CNTNAP5: variants seen among roughly 807,000 people sequenced by gnomAD.
CNTNAP5 encodes contactin associated protein family member 5, also known as contactin-associated protein-like 5.
In CNTNAP5, 72 loss-of-function variants were observed where a neutral mutation model predicts 150.2. The ratio of observed to expected loss-of-function variants is 0.48; its 90% CI spans 0.40 to 0.58. The LOEUF (loss-of-function observed/expected upper bound fraction) is 0.58. Ranked by LOEUF, CNTNAP5 falls within the 20% of genes least tolerant of loss-of-function variation. The pLI, the probability that CNTNAP5 is intolerant of heterozygous loss-of-function variation, is 0.00. For missense variants in CNTNAP5, 1,636 were observed against 1,626.2 expected, an observed-to-expected ratio of 1.01 and a Z score of -0.10; for synonymous variants, 672 against 619.8, an observed-to-expected ratio of 1.08 and a Z score of -1.25.
chr2:124,597,964 T>A (rs4505406), intron 11 of CNTNAP5, among the ~76,000 whole-genome samples: 12 of 103,514 alleles, frequency 1.2e-4, no homozygotes, highest in Admixed American at 2.2e-4. Flanking sequence ...CATTCTTCAC[T>A]TAGTTCTCGA....
chr2:124,543,830 G>A (rs1027067453), intron 10 of CNTNAP5, among the ~76,000 whole-genome samples: 4 of 152,030 alleles, frequency 2.6e-5, no homozygotes, highest in Non-Finnish European at 4.4e-5. Context: ...TTAATAAAAA[G>A]GAATATAGAA....
chr2:124,377,014 G>C (rs1690665051), intron 3 of CNTNAP5, among the ~76,000 whole-genome samples: 1 of 152,036 alleles, frequency 6.6e-6, no homozygotes, highest in African/African-American at 2.4e-5. Flanking sequence ...ATCAAAGTAA[G>C]ATTTAGATTT....
chr2:124,112,746 T>C (rs986732804), intron 1 of CNTNAP5, among the ~76,000 whole-genome samples: 1 of 152,154 alleles, frequency 6.6e-6, no homozygotes, highest in Non-Finnish European at 1.5e-5. Flanking sequence ...GTACTTCTTG[T>C]TTTTCTTTAT....
chr2:124,570,340 G>C (rs1696123440), intron 11 of CNTNAP5, among the ~76,000 whole-genome samples: 1 of 152,158 alleles, frequency 6.6e-6, no homozygotes, highest in African/African-American at 2.4e-5. Context: ...ACCGACAACG[G>C]CCTTGCAGGA....
At chr2:124,260,093 C>A (rs553273411) in intron 3 of CNTNAP5, among the ~76,000 whole-genome samples, 1 of 152,276 alleles carries the variant, frequency 6.6e-6, no homozygotes, top group Non-Finnish European at 1.5e-5. Flanking sequence ...AAGCTGGAGG[C>A]ATCACACTAC....
intron 1 of CNTNAP5, among the ~76,000 whole-genome samples, chr2:124,123,814 A>T (rs1573770904): frequency 6.6e-6 from 1 of 152,180 alleles, no homozygotes; most frequent in East Asian, 1.9e-4. Context: ...GACCTCCAGC[A>T]AACTCCAACA....
At chr2:124,598,308 A>G (rs1270393063) in intron 11 of CNTNAP5, among the ~76,000 whole-genome samples, 4 of 87,662 alleles carry the variant, frequency 4.6e-5, no homozygotes, top group African/African-American at 4.0e-5. Context: ...ATGGTGATGT[A>G]CAGATGGGTT....
At chr2:124,814,370 T>C (rs924833561) in intron 19 of CNTNAP5, among the ~76,000 whole-genome samples, 2 of 152,102 alleles carry the variant, frequency 1.3e-5, no homozygotes, top group Non-Finnish European at 2.9e-5. Context: ...TAAGAGCCCT[T>C]CAACTGAGCT....
chr2:124,389,569 G>A (rs1691056551), intron 3 of CNTNAP5, among the ~76,000 whole-genome samples: 2 of 152,132 alleles, frequency 1.3e-5, no homozygotes, highest in South Asian at 4.1e-4. Context: ...GGAGATTCTG[G>A]TCTCAATTGC....
At chr2:124,497,594 C>A (rs1309641265) in intron 7 of CNTNAP5, among the ~76,000 whole-genome samples, 1 of 152,148 alleles carries the variant, frequency 6.6e-6, no homozygotes, top group Non-Finnish European at 1.5e-5. Flanking sequence ...GAAATGAGTA[C>A]AAATGAAGCC....
At chr2:124,122,787 CACACA>C (rs1683596332) in intron 1 of CNTNAP5, among the ~76,000 whole-genome samples, 18 of 151,270 alleles carry the variant, frequency 1.2e-4, no homozygotes, top group Non-Finnish European at 1.5e-4. Context: ...CACACACACA[CACACA>C]CCCACACCTT....
At chr2:124,413,760 T>G in intron 3 of CNTNAP5, among the ~76,000 whole-genome samples, 1 of 31,030 alleles carries the variant, frequency 3.2e-5, no homozygotes, top group African/African-American at 1.0e-4. Flanking sequence ...AGGGATAGAA[T>G]TGGGAGATAT....
chr2:124,552,002 G>T (rs1370412393), intron 10 of CNTNAP5, among the ~76,000 whole-genome samples: 2 of 152,078 alleles, frequency 1.3e-5, no homozygotes, highest in Non-Finnish European at 2.9e-5. Flanking sequence ...AATAAAAAAT[G>T]GGCACTTGGG....
intron 6 of CNTNAP5, among the ~76,000 whole-genome samples, chr2:124,449,978 T>C (rs1299719239): frequency 5.3e-5 from 8 of 152,136 alleles, no homozygotes; most frequent in African/African-American, 1.4e-4. Flanking sequence ...TAAAAAGTTC[T>C]AACTTCAGTC....
intron 13 of CNTNAP5, among the ~76,000 whole-genome samples, chr2:124,704,191 C>A (rs771045778): frequency 1.3e-5 from 2 of 152,284 alleles, no homozygotes; most frequent in South Asian, 4.2e-4. Context: ...AGTGGGGCGA[C>A]CTAACCCACA....
chr2:124,638,086 G>A (rs147038112), intron 12 of CNTNAP5, among the ~76,000 whole-genome samples: 2 of 151,812 alleles, frequency 1.3e-5, no homozygotes, highest in Admixed American at 6.6e-5. Context: ...GCGTGTATGT[G>A]TGTGTGTGTG....
chr2:124,891,265 T>G (rs970068216), intron 21 of CNTNAP5, among the ~76,000 whole-genome samples: 1 of 152,078 alleles, frequency 6.6e-6, no homozygotes, highest in Admixed American at 6.6e-5. Context: ...CTGAGCTCAG[T>G]TGGCCTTTCT....
chr2:124,601,976 A>G (rs950982751), intron 11 of CNTNAP5, among the ~76,000 whole-genome samples: 1 of 152,196 alleles, frequency 6.6e-6, no homozygotes, highest in Admixed American at 6.5e-5. Context: ...GGGTAGCTCA[A>G]TATCCCGTAT....
intron 10 of CNTNAP5, among the ~76,000 whole-genome samples, chr2:124,545,916 A>G (rs940858774): frequency 7.9e-5 from 12 of 152,138 alleles, no homozygotes; most frequent in Admixed American, 7.9e-4. Context: ...ACATAGTAAG[A>G]TTTCATCTCT....
Sources: allele counts gnomAD v4.1 joint callset (sites outside exome capture counted in the v4.1 genomes callset), GRCh38; gene constraint gnomAD v4.1.1; transcripts MANE v1.5; gene names NCBI Gene and HGNC (gene_info 2026-07-23, HGNC 2026-07-21).